MORC3: variants seen among roughly 807,000 people sequenced by gnomAD.
The protein encoded by MORC3 is MORC family CW-type zinc finger protein 3.
A neutral mutation model predicts 109.1 loss-of-function variants in MORC3; 31 were observed. The observed-to-expected ratio is 0.28, with a 90% CI of 0.21 to 0.38. The LOEUF (loss-of-function observed/expected upper bound fraction) is 0.38, where lower values mean the gene tolerates loss of function less well. Ranked by LOEUF, MORC3 falls within the 10% of genes least tolerant of loss-of-function variation. The pLI, the probability that MORC3 is intolerant of heterozygous loss-of-function variation, is 1.00. For synonymous variants in MORC3, 395 were observed against 380.7 expected (o/e 1.04, Z -0.44); for missense variants, 867 against 1,135.8 (o/e 0.76, Z 3.40).
chr21:36,336,317 A>G (rs2085375309), intron 2 of MORC3, among the ~76,000 whole-genome samples: 1 of 151,892 alleles, frequency 6.6e-6, no homozygotes, highest in Non-Finnish European at 1.5e-5. Flanking sequence ...ATCTCCGCTC[A>G]CTGCAACCTC....
At position 36,344,647 on chromosome 21, in the gene MORC3, A is replaced by G; in HGVS notation, c.825A>G (p.Thr275=). 1 of 1,614,064 alleles carries G rather than the reference A, an allele frequency of 6.2e-7. No individual in the cohort carries two copies. Among genetic ancestry groups the G allele is most frequent in the Non-Finnish European group, 8.5e-7 (1 of 1,179,928 alleles). Residue 275 remains threonine, a synonymous_variant, in exon 7 of 17, where the codon ACA becomes ACG. Coordinates refer to ENST00000400485, the MANE Select transcript of MORC3 (RefSeq NM_015358.3). ...TCCTACGTGGACAGAAAGTGAAGACACAGCTGGTTTCGAAGAGTCTTGCCT... is the reference window on the plus strand; with the variant it reads ...TCCTACGTGGACAGAAAGTGAAGACGCAGCTGGTTTCGAAGAGTCTTGCCT... ...QIILRGQKVK[T]QLVSKSLAYI...
At chr21:36,351,814 T>G (rs991042126) in intron 9 of MORC3, among the ~76,000 whole-genome samples, 2 of 152,180 alleles carry the variant, frequency 1.3e-5, no homozygotes, top group Non-Finnish European at 2.9e-5. Context: ...TACCATATGA[T>G]TGAACAATCA....
At chr21:36,337,231 TC>T (rs2085383908) in intron 3 of MORC3, among the ~76,000 whole-genome samples, 2 of 152,168 alleles carry the variant, frequency 1.3e-5, no homozygotes, top group Admixed American at 6.6e-5. Context: ...AGTCCACCAT[TC>T]CTTTAGAGTT....
intron 16 of MORC3, among the ~76,000 whole-genome samples, chr21:36,373,621 C>T (rs528306519): frequency 2.0e-5 from 3 of 148,852 alleles, no homozygotes; most frequent in African/African-American, 7.4e-5. Context: ...AAAACTCCGT[C>T]TCAAAAAAAA....
In MORC3 at chr21:36,364,099, G is replaced by A. The variant is rs754503782; in HGVS notation, c.1459G>A (p.Ala487Thr). The A allele has an allele frequency of 1.2e-6, 2 of 1,613,868 alleles. No individual in the cohort carries two copies. The highest frequency in any genetic ancestry group is 8.5e-7 in the Non-Finnish European group (1 of 1,179,958). The change falls in exon 14 of 17, where the codon GCT (alanine) becomes ACT (threonine). Residue 487 changes from alanine to threonine, a missense_variant. Physicochemically the swap from Ala to Thr is moderately conservative, Grantham distance 58. This residue lies in a region of MORC3 where 486 missense variants were observed against 502.1 expected (regional missense o/e 0.97). Coordinates refer to ENST00000400485, the MANE Select transcript of MORC3 (RefSeq NM_015358.3). ...TGATTTTTCCCTCCAACAGATTAAT[G>A]CTGAACTGTTGTTTCGGCCAACTGC... Reference protein sequence around the residue: ...RQPEMIPRINAELLFRPTALS... With the variant: ...RQPEMIPRINTELLFRPTALS...
rs115634187 is a variant in MORC3, at chr21:36,341,226, A to G, written c.609-173A>G. ...ATGAGTGTTACAGTTTCTCCACATC[A>G]TCCAGGATCCGTTTTCTTTCTTTTT... On this transcript the variant is annotated intron_variant, in intron 5 of 16. Coordinates refer to ENST00000400485, the MANE Select transcript of MORC3 (RefSeq NM_015358.3). Among the ~76,000 whole-genome samples the G allele has an allele frequency of 9.6e-3, 1,461 of 152,174 alleles. 17 individuals are homozygous for G. The highest frequency in any genetic ancestry group is 0.033 in the African/African-American group (1,372 of 41,510).
chr21:36,323,248 A>G (rs146370674), intron 1 of MORC3, among the ~76,000 whole-genome samples: 112 of 152,238 alleles, frequency 7.4e-4, no homozygotes, highest in African/African-American at 2.6e-3. Context: ...TATGTAGCTT[A>G]GTGACTGCCA....
At chr21:36,320,395 G>A in intron 1 of MORC3, 92 bp downstream of exon 1, 8 of 1,194,516 alleles carry the variant, frequency 6.7e-6, no homozygotes, top group Non-Finnish European at 8.4e-6. Context: ...GCGGCTTGTG[G>A]GGCCGACGCG....
intron 8 of MORC3, among the ~76,000 whole-genome samples, chr21:36,347,545 T>C (rs2085523078): frequency 6.6e-6 from 1 of 152,220 alleles, no homozygotes; most frequent in African/African-American, 2.4e-5. Context: ...TTCTGTGGAT[T>C]CGGTAAACAT....
intron 1 of MORC3, among the ~76,000 whole-genome samples, chr21:36,327,407 C>G (rs1035189148): frequency 6.6e-6 from 1 of 150,896 alleles, no homozygotes; most frequent in Non-Finnish European, 1.5e-5. Flanking sequence ...CCGCCTCAGC[C>G]TCCCAAAGTG....
chr21:36,362,233 T>C lies in MORC3; in HGVS notation c.1452+5T>C, dbSNP rs757062139. The C allele has an allele frequency of 3.8e-6, 6 of 1,590,724 alleles. No homozygotes were observed. Among genetic ancestry groups the C allele is most frequent in the Non-Finnish European group, 5.1e-6 (6 of 1,172,428 alleles). ...CAACCGGAAATGATCCCTCGGGTAA[T>C]TAAGCCTTCTTTTTTTTTTTTTTTT... On this transcript the variant is annotated splice_donor_5th_base_variant and intron_variant, in intron 13 of 16. Coordinates refer to ENST00000400485, the MANE Select transcript of MORC3 (RefSeq NM_015358.3).
intron 1 of MORC3, among the ~76,000 whole-genome samples, chr21:36,328,932 T>G (rs548284509): frequency 6.8e-6 from 1 of 146,614 alleles, no homozygotes; most frequent in Non-Finnish European, 1.5e-5. Flanking sequence ...AAAAAGAAAT[T>G]GTAACGATAG....
At chr21:36,348,858 G>A (rs1220709698) in intron 8 of MORC3, among the ~76,000 whole-genome samples, 1 of 151,872 alleles carries the variant, frequency 6.6e-6, no homozygotes, top group Non-Finnish European at 1.5e-5. Flanking sequence ...GTTTTTTTCA[G>A]TCTAAATTTG....
intron 8 of MORC3, among the ~76,000 whole-genome samples, 154 bp from the exon 9 acceptor site, chr21:36,349,157 C>G (rs1051931987): frequency 6.7e-6 from 1 of 150,034 alleles, no homozygotes; most frequent in Non-Finnish European, 1.5e-5. Flanking sequence ...GACTCTGTCT[C>G]AAAAAAATAA....
intron 1 of MORC3, among the ~76,000 whole-genome samples, chr21:36,326,308 G>A (rs757017655): frequency 3.3e-5 from 5 of 152,022 alleles, no homozygotes; most frequent in Non-Finnish European, 7.4e-5. Context: ...CAGATCACTT[G>A]AGATCAGGAG....
chr21:36,341,423 T>C lies in MORC3; in HGVS notation c.633T>C (p.Asp211=). Reference sequence around the variant, plus strand: ...GCTACAAAAATGCAACAGAGTTCGATTTTGAAAAGGATAAATATGATATCA... The same window carrying C: ...GCTACAAAAATGCAACAGAGTTCGACTTTGAAAAGGATAAATATGATATCA... ...LRSYKNATEF[D]FEKDKYDIRI... Residue 211 remains aspartate (D), a synonymous_variant, in exon 6 of 17, where the codon GAT becomes GAC. Coordinates refer to ENST00000400485, the MANE Select transcript of MORC3 (RefSeq NM_015358.3). 6.2e-7 allele frequency: 1 copy of C among 1,600,518 alleles called. No individual in the cohort carries two copies. The highest frequency in any genetic ancestry group is 1.7e-4 in the Middle Eastern group (1 of 6,024).
At position 36,369,264 on chromosome 21, in the gene MORC3, C is replaced by T. The variant is rs746829012; in HGVS notation, c.1896C>T (p.Cys632=). The T allele has an allele frequency of 3.4e-5, 55 of 1,613,980 alleles. No homozygotes were observed. The highest frequency in any genetic ancestry group is 4.5e-5 in the Non-Finnish European group (53 of 1,180,038). Reference sequence around the variant, plus strand: ...CAACAAGCACCTCATCATCCCGATGCGACCAGGGAAATACTGCAGCTACCC... The same window carrying T: ...CAACAAGCACCTCATCATCCCGATGTGACCAGGGAAATACTGCAGCTACCC... ...TGSTSTSSSR[C]DQGNTAATQT... The change falls in exon 15 of 17, where the codon TGC becomes TGT. Residue 632 remains cysteine (C), a synonymous_variant. Transcript: ENST00000400485.
chr21:36,323,838 G>A (rs1257700247), intron 1 of MORC3, among the ~76,000 whole-genome samples: 1 of 149,484 alleles, frequency 6.7e-6, no homozygotes, highest in African/African-American at 2.4e-5. Context: ...TCCTCTTGGG[G>A]GATTTCCTCT....
intron 8 of MORC3, 76 bp from the exon 9 acceptor site, chr21:36,349,235 C>T (rs1020000754): frequency 1.1e-6 from 1 of 878,432 alleles, no homozygotes; most frequent in East Asian, 2.7e-5. Context: ...AATATACAAA[C>T]TATAATTCTT....
Sources: allele counts gnomAD v4.1 joint callset (sites outside exome capture counted in the v4.1 genomes callset), GRCh38; gene constraint gnomAD v4.1.1; regional missense constraint gnomAD v4.1.1; transcripts MANE v1.5; gene names NCBI Gene and HGNC (gene_info 2026-07-23, HGNC 2026-07-21).